The following ADAM19 variants were observed in gnomAD, a reference collection of about 807,000 sequenced individuals.
The protein encoded by ADAM19 is ADAM metallopeptidase domain 19.
A neutral mutation model predicts 114.7 loss-of-function variants in ADAM19; 65 were observed. The ratio of observed to expected loss-of-function variants is 0.57; its 90% CI spans 0.46 to 0.70. ADAM19 has a LOEUF of 0.70. ADAM19 is among the 30% of genes least tolerant of loss of function. ADAM19 has a pLI of 0.00. For synonymous variants in ADAM19, 466 were observed against 460.5 expected, an observed-to-expected ratio of 1.01 and a Z score of -0.15; for missense variants, 1,063 against 1,204.7, an observed-to-expected ratio of 0.88 and a Z score of 1.74.
chr5:157,496,120 T>C (rs1238698063), intron 14 of ADAM19, among the ~76,000 whole-genome samples: 1 of 152,030 alleles, frequency 6.6e-6, no homozygotes, highest in Non-Finnish European at 1.5e-5. Flanking sequence ...GTAGCTAGGA[T>C]TACAGGTGCA....
chr5:157,481,927 C>G lies in ADAM19; in HGVS notation c.2567G>C (p.Arg856Pro). 1 of 1,603,752 alleles carries G rather than the reference C, an allele frequency of 6.2e-7. No homozygotes were observed. Among genetic ancestry groups the G allele is most frequent in the African/African-American group, 1.3e-5 (1 of 74,830 alleles). Residue 856 changes from arginine (R) to proline (P), a missense_variant, in exon 22 of 23, where the codon CGG (arginine) becomes CCG (proline). This residue lies in a region of ADAM19 where 424 missense variants were observed against 445.5 expected (regional missense o/e 0.95). Coordinates refer to ENST00000257527, the MANE Select transcript of ADAM19 (RefSeq NM_033274.5). Reference sequence around the variant, plus strand: ...TGCCGGGAGTGCCTTCTGGGGCGGCCGAGGCCTGGAGAAGTCCTGGAGAGA... The same window carrying G: ...TGCCGGGAGTGCCTTCTGGGGCGGCGGAGGCCTGGAGAAGTCCTGGAGAGA... Reference protein sequence around the residue: ...CIVSQDFSRPRPPQKALPANP... With the variant: ...CIVSQDFSRPPPPQKALPANP...
chr5:157,564,713 A>G (rs12518544), intron 2 of ADAM19, among the ~76,000 whole-genome samples: 1,631 of 152,330 alleles, frequency 0.011, 30 homozygotes, highest in African/African-American at 0.037. Context: ...GAAGGGAAAC[A>G]CTGGAAAACA....
chr5:157,548,954 C>T (rs1469404276), intron 3 of ADAM19, among the ~76,000 whole-genome samples: 1 of 152,162 alleles, frequency 6.6e-6, no homozygotes. Context: ...CGTCTGCATC[C>T]CGCCCACCAG....
intron 3 of ADAM19, among the ~76,000 whole-genome samples, chr5:157,544,801 T>G (rs1454539361): frequency 6.6e-6 from 1 of 152,242 alleles, no homozygotes; most frequent in Non-Finnish European, 1.5e-5. Context: ...GAACAACTTC[T>G]CTAGCAACCA....
At chr5:157,525,273 A>G (rs1756420758) in intron 5 of ADAM19, among the ~76,000 whole-genome samples, 1 of 152,176 alleles carries the variant, frequency 6.6e-6, no homozygotes, top group Admixed American at 6.5e-5. Context: ...AAGGAATTCA[A>G]AGGTGGAAAG....
At chr5:157,490,066 G>C (rs1755096815) in intron 19 of ADAM19, among the ~76,000 whole-genome samples, 1 of 152,144 alleles carries the variant, frequency 6.6e-6, no homozygotes, top group Non-Finnish European at 1.5e-5. Context: ...ATTTCAACTT[G>C]ATTTGGTTGG....
intron 22 of ADAM19, 108 bp from the exon 23 acceptor site, chr5:157,481,110 T>C: frequency 7.0e-7 from 1 of 1,436,812 alleles, no homozygotes; most frequent in Non-Finnish European, 9.6e-7. Context: ...GACCACCCAC[T>C]GAGAACAAAG....
chr5:157,554,073 G>C (rs796758714), intron 3 of ADAM19, among the ~76,000 whole-genome samples: 2 of 152,108 alleles, frequency 1.3e-5, no homozygotes, highest in African/African-American at 2.4e-5. Flanking sequence ...GACCTCATTT[G>C]TATATAAATA....
At chr5:157,560,366 C>T (rs544388288) in intron 3 of ADAM19, among the ~76,000 whole-genome samples, 33 of 150,934 alleles carry the variant, frequency 2.2e-4, no homozygotes, top group Non-Finnish European at 4.9e-4. Context: ...AAAGCAGAGG[C>T]TCAGGGGAGC....
At chr5:157,499,244 A>G (rs962128087) in intron 13 of ADAM19, among the ~76,000 whole-genome samples, 1 of 152,160 alleles carries the variant, frequency 6.6e-6, no homozygotes, top group Non-Finnish European at 1.5e-5. Flanking sequence ...GAGGTCCATT[A>G]ATGTCAATAC....
intron 4 of ADAM19, among the ~76,000 whole-genome samples, chr5:157,534,826 A>G (rs1756718875): frequency 6.6e-6 from 1 of 152,220 alleles, no homozygotes; most frequent in Non-Finnish European, 1.5e-5. Flanking sequence ...GTGACACAGC[A>G]AAGTGGATAC....
At chr5:157,494,387 G>A (rs1436354015) in intron 15 of ADAM19, among the ~76,000 whole-genome samples, 2 of 152,176 alleles carry the variant, frequency 1.3e-5, no homozygotes, top group Non-Finnish European at 2.9e-5. Flanking sequence ...ATTAGGGCAT[G>A]ATTAGAATTT....
chr5:157,545,028 A>G (rs1042410478), intron 3 of ADAM19, among the ~76,000 whole-genome samples: 1 of 152,228 alleles, frequency 6.6e-6, no homozygotes, highest in Non-Finnish European at 1.5e-5. Context: ...ACTCCCTGAA[A>G]CTAACAAACA....
chr5:157,484,484 T>C (rs1329687831), intron 21 of ADAM19, among the ~76,000 whole-genome samples: 1 of 152,148 alleles, frequency 6.6e-6, no homozygotes, highest in East Asian at 1.9e-4. Context: ...GCCAACTGCA[T>C]AGAAGGGAGT....
At chr5:157,529,842 G>A (rs928187686) in intron 5 of ADAM19, among the ~76,000 whole-genome samples, 1 of 152,202 alleles carries the variant, frequency 6.6e-6, no homozygotes, top group African/African-American at 2.4e-5. Context: ...ACTCAGAGAA[G>A]GAAGGGTCAC....
chr5:157,506,633 G>A (rs1755750223), intron 10 of ADAM19, among the ~76,000 whole-genome samples: 1 of 152,234 alleles, frequency 6.6e-6, no homozygotes. Flanking sequence ...ATAGTCTCAT[G>A]AAGTCAGAGT....
rs1168071802 is a variant in ADAM19 at position 157,499,625 on chromosome 5, G to A, written c.1346C>T (p.Thr449Ile). 1 of 1,613,168 alleles carries A rather than the reference G, an allele frequency of 6.2e-7. No homozygotes were observed. The highest frequency in any genetic ancestry group is 2.2e-5 in the East Asian group (1 of 44,854). The change falls in exon 13 of 23, where the codon ACC (threonine) becomes ATC (isoleucine). Residue 449 changes from threonine to isoleucine, a missense_variant. Physicochemically the swap from Thr to Ile is moderately conservative, Grantham distance 89 (BLOSUM62 -1). Coordinates refer to ENST00000257527, the MANE Select transcript of ADAM19 (RefSeq NM_033274.5). ...AGCACACTCCGCCCCCGGCCTCAGG[G>A]TACAATTAGAGGCATTGCAGCAGGG... is the stretch of plus-strand genomic sequence containing the variant. Reference protein sequence around the residue: ...NNPCCNASNCTLRPGAECAHG... With the variant: ...NNPCCNASNCILRPGAECAHG...
intron 5 of ADAM19, among the ~76,000 whole-genome samples, chr5:157,530,433 C>A (rs72811321): frequency 0.034 from 5,116 of 152,326 alleles, 109 homozygotes; most frequent in South Asian, 0.07. Context: ...TCCAGACTCC[C>A]TCTGCCCGCT....
intron 1 of ADAM19, among the ~76,000 whole-genome samples, chr5:157,571,441 G>A (rs924108048): frequency 6.6e-6 from 1 of 152,160 alleles, no homozygotes; most frequent in African/African-American, 2.4e-5. Context: ...CCTGTTGAAG[G>A]AACAAGCATA....
Sources: gnomAD v4.1 joint callset for allele counts (sites outside exome capture counted in the v4.1 genomes callset) on GRCh38, gnomAD v4.1.1 for gene constraint, gnomAD v4.1.1 regional missense constraint, MANE v1.5 for transcripts, NCBI Gene and HGNC (gene_info 2026-07-23, HGNC 2026-07-21) for gene names.